HTR2A: variants seen among roughly 807,000 people sequenced by gnomAD.
HTR2A encodes 5-hydroxytryptamine receptor 2A.
A neutral mutation model predicts 31.0 loss-of-function variants in HTR2A; 14 were observed. The ratio of observed to expected loss-of-function variants is 0.45; its 90% confidence interval spans 0.30 to 0.71. The LOEUF (loss-of-function observed/expected upper bound fraction) is 0.71, where lower values mean the gene tolerates loss of function less well. HTR2A is among the 30% of genes least tolerant of loss of function. HTR2A has a pLI of 0.09. For synonymous variants in HTR2A, 209 were observed against 225.2 expected, an observed-to-expected ratio of 0.93 and a Z score of 0.64; for missense variants, 442 against 573.3, an observed-to-expected ratio of 0.77 and a Z score of 2.34.
intron 3 of HTR2A, among the ~76,000 whole-genome samples, chr13:46,872,653 G>A (rs1479434598): frequency 6.6e-6 from 1 of 152,022 alleles, no homozygotes; most frequent in Admixed American, 6.6e-5. Flanking sequence ...TGAAAACATT[G>A]GTTTAATACC....
At chr13:46,873,749 C>T (rs1466728963) in intron 3 of HTR2A, among the ~76,000 whole-genome samples, 1 of 152,166 alleles carries the variant, frequency 6.6e-6, no homozygotes, top group East Asian at 1.9e-4. Flanking sequence ...TTCCAATTTA[C>T]TTTCAAACTT....
rs981085662 is a variant in HTR2A at position 46,896,181 on chromosome 13, C to A, written c.-275G>T. ...ACCGAGGACAAAAAAGCAGAATGAA[C>A]TTTTAGCATAGAGGTTGCAGGGTTT... On this transcript the variant is annotated 5_prime_UTR_variant, in exon 2 of 4. Transcript: ENST00000542664. 7.8e-5 allele frequency: 93 copies of A among 1,196,762 alleles called. No individual in the cohort carries two copies. The highest frequency in any genetic ancestry group is 3.4e-4 in the Middle Eastern group (1 of 2,968). The allele number at this position is 1,196,762 out of a possible 1,614,324, so 74.1% of individuals were successfully genotyped here. A position where few individuals can be genotyped will look rare whatever the true frequency, so the allele number is the denominator to read the frequency against.
chr13:46,897,751 C>T (rs1460627633), upstream of HTR2A, among the ~76,000 whole-genome samples: 1 of 152,196 alleles, frequency 6.6e-6, no homozygotes, highest in Non-Finnish European at 1.5e-5. Context: ...TTCACATTCT[C>T]CCTGGACAAA....
intron 3 of HTR2A, among the ~76,000 whole-genome samples, chr13:46,844,913 A>C (rs1182905056): frequency 6.6e-6 from 1 of 152,204 alleles, no homozygotes; most frequent in East Asian, 1.9e-4. Flanking sequence ...GTAAAGTTTT[A>C]AGATTTATTT....
rs756253920 is a variant in HTR2A at position 46,835,610 on chromosome 13, G to T, written c.643C>A (p.Leu215Ile). 5 of 1,613,544 alleles carry T rather than the reference G, an allele frequency of 3.1e-6. No homozygotes were observed. The highest frequency in any genetic ancestry group is 4.2e-6 in the Non-Finnish European group (5 of 1,179,666). ...TTAAAGACCTTCGAATCGTCCTGTA[G>T]CCCAAAGACTGGTATTGGCATGGAT... ...GISMPIPVFG[L>I]QDDSKVFKEG... is the part of the protein sequence containing the mutation. The change falls in exon 4 of 4, where the codon CTA becomes ATA. Residue 215 changes from leucine (L) to isoleucine (I), a missense_variant. By Grantham distance (5) the Leu-to-Ile change is conservative. Around this residue, in one of 5 missense-constraint regions of HTR2A, gnomAD observed 174 missense variants for 195.1 expected, o/e 0.89. Coordinates refer to ENST00000542664, the MANE Select transcript of HTR2A (RefSeq NM_000621.5).
chr13:46,849,193 T>C (rs1950664301), intron 3 of HTR2A, among the ~76,000 whole-genome samples: 1 of 152,230 alleles, frequency 6.6e-6, no homozygotes, highest in Admixed American at 6.5e-5. Flanking sequence ...TCCATTATCC[T>C]GCCTTTGCAA....
At chr13:46,861,672 C>A (rs1320711383) in intron 3 of HTR2A, among the ~76,000 whole-genome samples, 1 of 152,174 alleles carries the variant, frequency 6.6e-6, no homozygotes, top group East Asian at 1.9e-4. Flanking sequence ...TCAACTAATA[C>A]CTTTGCCTAA....
chr13:46,872,728 G>A (rs1433999367), intron 3 of HTR2A, among the ~76,000 whole-genome samples: 2 of 152,166 alleles, frequency 1.3e-5, no homozygotes, highest in Non-Finnish European at 2.9e-5. Flanking sequence ...TTAAAAAAGT[G>A]TACATGCAGT....
chr13:46,876,554 C>A (rs533729704), intron 3 of HTR2A, among the ~76,000 whole-genome samples: 5 of 150,976 alleles, frequency 3.3e-5, no homozygotes, highest in African/African-American at 1.2e-4. Context: ...GGACTACAAG[C>A]GCCTGCCACC....
Position 46,835,583 on chromosome 13 carries a change from C to G in HTR2A, c.670G>C (p.Glu224Gln). 6.2e-7 allele frequency: 1 copy of G among 1,614,006 alleles called. No individual in the cohort carries two copies. Among genetic ancestry groups the G allele is most frequent in the East Asian group, 2.2e-5 (1 of 44,884 alleles). The change falls in exon 4 of 4, where the codon GAG becomes CAG. Residue 224 changes from glutamate (E) to glutamine (Q), a missense_variant. This residue lies in a region of HTR2A where 174 missense variants were observed against 195.1 expected (regional missense o/e 0.89). Coordinates refer to ENST00000542664, the MANE Select transcript of HTR2A (RefSeq NM_000621.5). Reference protein sequence around the residue: ...GLQDDSKVFKEGSCLLADDNF... With the variant: ...GLQDDSKVFKQGSCLLADDNF... ...TCATCGGCGAGTAAGCAACTCCCCT[C>G]CTTAAAGACCTTCGAATCGTCCTGT...
chr13:46,871,436 TATTAC>T (rs1277150690), intron 3 of HTR2A, among the ~76,000 whole-genome samples: 3 of 152,228 alleles, frequency 2.0e-5, no homozygotes, highest in Admixed American at 2.0e-4. Flanking sequence ...ATTGCCAAAC[TATTAC>T]AGGCTGCTGA....
At position 46,835,086 on chromosome 13, in the gene HTR2A, T is replaced by G; in HGVS notation, c.1167A>C (p.Ser389=). The G allele has an allele frequency of 1.9e-6, 3 of 1,614,146 alleles. No individual in the cohort carries two copies. The highest frequency in any genetic ancestry group is 2.5e-6 in the Non-Finnish European group (3 of 1,180,000). ...GACACTGAATATACCGTGAAAAGGC[T>G]GACCTATAGGTCTTGTTGAACAGTG... ...VYTLFNKTYR[S]AFSRYIQCQY... Residue 389 remains serine, a synonymous_variant, in exon 4 of 4, where the codon TCA becomes TCC. Transcript: ENST00000542664.
chr13:46,848,589 G>A (rs577108700), intron 3 of HTR2A, among the ~76,000 whole-genome samples: 36 of 152,168 alleles, frequency 2.4e-4, no homozygotes, highest in Non-Finnish European at 4.4e-4. Context: ...GAACTCACAA[G>A]GAAGGAATTA....
chr13:46,854,227 A>G (rs1950713839), intron 3 of HTR2A: 1 of 152,248 alleles, frequency 6.6e-6, no homozygotes. Flanking sequence ...AAAAGTGCCC[A>G]GCAGTGATGG....
rs1459537012 is a variant in HTR2A at position 46,895,780 on chromosome 13, A to T, written c.127T>A (p.Phe43Ile). 5.6e-6 allele frequency: 9 copies of T among 1,614,104 alleles called. No homozygotes were observed. The highest frequency in any genetic ancestry group is 1.3e-5 in the African/African-American group (1 of 74,940). The change falls in exon 2 of 4, where the codon TTT becomes ATT. Residue 43 changes from phenylalanine (F) to isoleucine (I), a missense_variant. Around this residue, in one of 5 missense-constraint regions of HTR2A, gnomAD observed 83 missense variants for 84.8 expected, o/e 0.98. Coordinates refer to ENST00000542664, the MANE Select transcript of HTR2A (RefSeq NM_000621.5). The surrounding 1 kb of genome is among the most constrained non-coding windows in gnomAD (Gnocchi z 4.4). ...TTTTCAGAGTCGACTGTCCAGTTAAATGCATCAGAAGTGTTAGCTTCTCCG... is the reference window on the plus strand; with the variant it reads ...TTTTCAGAGTCGACTGTCCAGTTAATTGCATCAGAAGTGTTAGCTTCTCCG... ...NSGEANTSDA[F>I]NWTVDSENRT... is the part of the protein sequence containing the mutation.
At chr13:46,858,139 T>A (rs1950753344) in intron 3 of HTR2A, among the ~76,000 whole-genome samples, 1 of 151,836 alleles carries the variant, frequency 6.6e-6, no homozygotes, top group Non-Finnish European at 1.5e-5. Flanking sequence ...CTTTGTAGAG[T>A]GGTACCTCTC....
rs1264416529 is a variant in HTR2A at position 46,835,170 on chromosome 13, C to T, written c.1083G>A (p.Leu361=). ...ESCNEDVIGA[L]LNVFVWIGYL... Reference sequence around the variant, plus strand: ...AACCGATCCAAACAAACACATTGAGCAGGGCCCCAATGACATCCTCATTGC... The same window carrying T: ...AACCGATCCAAACAAACACATTGAGTAGGGCCCCAATGACATCCTCATTGC... The change falls in exon 4 of 4, where the codon CTG becomes CTA. Residue 361 remains leucine (L), a synonymous_variant. Transcript: ENST00000542664. 6.2e-7 allele frequency: 1 copy of T among 1,614,094 alleles called. No homozygotes were observed. The highest frequency in any genetic ancestry group is 1.3e-5 in the African/African-American group (1 of 75,040).
At position 46,834,604 on chromosome 13, in the gene HTR2A, T is replaced by C. The variant is rs1876366941; in HGVS notation, c.*233A>G. 2.0e-6 allele frequency: 1 copy of C among 493,242 alleles called. No individual in the cohort carries two copies. Among genetic ancestry groups the C allele is most frequent in the South Asian group, 3.7e-5 (1 of 27,376 alleles). The allele number at this position is 493,242 out of a possible 1,614,324, so 30.6% of individuals were successfully genotyped here. A position where few individuals can be genotyped will look rare whatever the true frequency, so the allele number is the denominator to read the frequency against. ...TTTTAAAGACATATCATTTACAATG[T>C]TATAAATAAGTATCAGAAAGCTCAC... On this transcript the variant is annotated 3_prime_UTR_variant, in exon 4 of 4. Coordinates refer to ENST00000542664, the MANE Select transcript of HTR2A (RefSeq NM_000621.5).
chr13:46,888,086 C>A (rs1475610970), intron 3 of HTR2A, among the ~76,000 whole-genome samples: 100 of 148,932 alleles, frequency 6.7e-4, no homozygotes, highest in African/African-American at 1.1e-3. Flanking sequence ...AAGAACAAAG[C>A]AAAAAAAAAA....
Sources: gnomAD v4.1 joint callset for allele counts (sites outside exome capture counted in the v4.1 genomes callset) on GRCh38, gnomAD v4.1.1 for gene constraint, gnomAD v4.1.1 regional missense constraint, Gnocchi (gnomAD v3.1) non-coding constraint, MANE v1.5 for transcripts, NCBI Gene and HGNC (gene_info 2026-07-23, HGNC 2026-07-21) for gene names.